Variants in INPP5F observed in about 807,000 individuals in gnomAD.
INPP5F encodes the protein phosphatidylinositide 4-phosphatase SAC2.
Under a neutral mutation model 137.2 loss-of-function variants are expected in INPP5F, and 97 were observed. That is an observed-to-expected ratio of 0.71 (90% CI 0.60 to 0.84). The LOEUF (loss-of-function observed/expected upper bound fraction) is 0.84. INPP5F is among the 40% of genes least tolerant of loss of function. INPP5F has a pLI of 0.00. For missense variants in INPP5F, 1,271 were observed against 1,371.9 expected, an observed-to-expected ratio of 0.93 and a Z score of 1.16; for synonymous variants, 504 against 476.9, an observed-to-expected ratio of 1.06 and a Z score of -0.74.
chr10:119,796,775 C>CT lies in INPP5F; in HGVS notation c.732dup (p.Val245CysfsTer3), dbSNP rs767374469. On this transcript the variant is annotated frameshift_variant, in exon 7 of 20. Coordinates refer to ENST00000650623, the MANE Select transcript of INPP5F (RefSeq NM_014937.4). LOFTEE classifies it high-confidence loss of function. ...CCAAGGTTTTGTGCAGATTGAAGAA[C>CT]TTGTGGTTAATTATACCGAATCATC... is the stretch of plus-strand genomic sequence containing the variant. 28 of 1,613,410 alleles carry CT rather than the reference C, an allele frequency of 1.7e-5. No homozygotes were observed. The highest frequency in any genetic ancestry group is 2.3e-5 in the Non-Finnish European group (27 of 1,179,842).
intron 2 of INPP5F, among the ~76,000 whole-genome samples, chr10:119,769,377 C>T (rs1324482118): frequency 2.6e-5 from 4 of 152,152 alleles, no homozygotes; most frequent in Non-Finnish European, 4.4e-5. Flanking sequence ...CAGTGATGCT[C>T]CTACCTCAGC....
At chr10:119,744,405 C>G (rs1253032780) in intron 1 of INPP5F, among the ~76,000 whole-genome samples, 1 of 152,172 alleles carries the variant, frequency 6.6e-6, no homozygotes, top group Non-Finnish European at 1.5e-5. Flanking sequence ...TTCTCTTCTC[C>G]ATTTCTGTGT....
intron 19 of INPP5F, chr10:119,826,031 A>C: frequency 2.5e-6 from 1 of 398,558 alleles, no homozygotes; most frequent in Non-Finnish European, 4.4e-6. Flanking sequence ...AACCCACAGG[A>C]CATATAAGAA....
At chr10:119,732,501 T>TTTTTTC (rs72190556) in intron 1 of INPP5F, among the ~76,000 whole-genome samples, 14,890 of 82,748 alleles carry the variant, frequency 0.18, 751 homozygotes, top group South Asian at 0.35. Context: ...TTCTTTTTTC[T>TTTTTTC]TTTTTTTTTT....
chr10:119,806,811 CT>C (rs35213192), intron 12 of INPP5F, among the ~76,000 whole-genome samples: 7,703 of 142,964 alleles, frequency 0.054, 281 homozygotes, highest in South Asian at 0.26. Flanking sequence ...TACTGCATTT[CT>C]TTTTTTTTTT....
At chr10:119,777,332 A>C (rs1849557181) in intron 2 of INPP5F, among the ~76,000 whole-genome samples, 2 of 152,070 alleles carry the variant, frequency 1.3e-5, no homozygotes, top group South Asian at 4.1e-4. Flanking sequence ...ATATGGTGAA[A>C]TCCCGTCCCT....
Position 119,820,932 on chromosome 10 carries a change from G to A in INPP5F, c.1958+15G>A. Reference sequence around the variant, plus strand: ...TACGTGGCCTAGTAAGTTGCTTATTGATTTAAAGGTTTTGATTTTGTTTTT... The same window carrying A: ...TACGTGGCCTAGTAAGTTGCTTATTAATTTAAAGGTTTTGATTTTGTTTTT... On this transcript the variant is annotated intron_variant, in intron 16 of 19. Transcript: ENST00000650623. The A allele has an allele frequency of 6.5e-7, 1 of 1,532,074 alleles. No homozygotes were observed. The highest frequency in any genetic ancestry group is 1.1e-5 in the South Asian group (1 of 88,164). 94.9% of individuals were successfully genotyped at this position (1,532,074 alleles called of 1,614,324 possible). A position where few individuals can be genotyped will look rare whatever the true frequency, so the allele number is the denominator to read the frequency against.
chr10:119,806,138 GTT>G (rs559154491), intron 11 of INPP5F, among the ~76,000 whole-genome samples: 1 of 146,572 alleles, frequency 6.8e-6, no homozygotes. Context: ...CTGCACCCCA[GTT>G]TTTTTTTTTC....
chr10:119,811,237 T>A (rs1256874784), intron 14 of INPP5F, among the ~76,000 whole-genome samples: 1 of 152,200 alleles, frequency 6.6e-6, no homozygotes, highest in Non-Finnish European at 1.5e-5. Context: ...GTCTCTTTCC[T>A]GTGTAGGGCC....
At chr10:119,820,464 T>C (rs998004046) in intron 15 of INPP5F, among the ~76,000 whole-genome samples, 2 of 152,250 alleles carry the variant, frequency 1.3e-5, no homozygotes, top group Non-Finnish European at 2.9e-5. Flanking sequence ...GATTAGATAA[T>C]GTGAGATAGT....
At chr10:119,731,533 G>A (rs549470555) in intron 1 of INPP5F, among the ~76,000 whole-genome samples, 85 of 152,110 alleles carry the variant, frequency 5.6e-4, no homozygotes, top group Middle Eastern at 6.8e-3. Context: ...GTGTGGTGGC[G>A]GGTGCCTATA....
chr10:119,805,551 C>T, intron 11 of INPP5F, 90 bp downstream of exon 11: 1 of 908,736 alleles, frequency 1.1e-6, no homozygotes, highest in Admixed American at 2.1e-5. Context: ...CATGCAGAGA[C>T]AGCATTTTTT....
At chr10:119,775,929 A>G (rs1400514900) in intron 2 of INPP5F, among the ~76,000 whole-genome samples, 1 of 152,182 alleles carries the variant, frequency 6.6e-6, no homozygotes, top group Non-Finnish European at 1.5e-5. Flanking sequence ...ATATAGACAT[A>G]AATTGCCTGG....
intron 6 of INPP5F, among the ~76,000 whole-genome samples, chr10:119,795,613 G>A (rs1456255524): frequency 6.7e-6 from 1 of 150,136 alleles, no homozygotes; most frequent in Non-Finnish European, 1.5e-5. Context: ...CAGGCAGAGG[G>A]GCTCCTCACA....
chr10:119,785,944 G>GA lies in INPP5F; in HGVS notation c.315+4181dup, dbSNP rs1187801251. On this transcript the variant is annotated intron_variant, in intron 3 of 19. Coordinates refer to ENST00000650623, the MANE Select transcript of INPP5F (RefSeq NM_014937.4). Reference sequence around the variant, plus strand: ...TGAGGACTTAGTTGTTGCTTCTTTAGAAAAAAAATACCCTTTAAAGTTATA... The same window carrying GA: ...TGAGGACTTAGTTGTTGCTTCTTTAGAAAAAAAAATACCCTTTAAAGTTATA... 5.3e-5 allele frequency among the ~76,000 whole-genome samples: 8 copies of GA among 152,010 alleles called. No homozygotes were observed. In the South Asian group the frequency reaches 1.2e-3, roughly 24 times the overall value.
At chr10:119,727,427 C>G (rs1847926023) in intron 1 of INPP5F, among the ~76,000 whole-genome samples, 2 of 152,198 alleles carry the variant, frequency 1.3e-5, no homozygotes, top group African/African-American at 4.8e-5. Flanking sequence ...TTTCCAATCC[C>G]CACAGCAACC....
At chr10:119,813,943 T>A (rs1044497316) in intron 15 of INPP5F, among the ~76,000 whole-genome samples, 1 of 152,210 alleles carries the variant, frequency 6.6e-6, no homozygotes, top group Admixed American at 6.5e-5. Flanking sequence ...TTCATTAACA[T>A]GATGAAATGC....
Position 119,791,554 on chromosome 10 carries a change from A to G in INPP5F, c.353A>G (p.Glu118Gly), listed in dbSNP as rs1322226502. 1 of 1,603,204 alleles carries G rather than the reference A, an allele frequency of 6.2e-7. No individual in the cohort carries two copies. Among genetic ancestry groups the G allele is most frequent in the Admixed American group, 1.7e-5 (1 of 60,000 alleles). Residue 118 changes from glutamate (E) to glycine (G), a missense_variant, in exon 4 of 20, where the codon GAG becomes GGG. By Grantham distance (98) the Glu-to-Gly change is moderately conservative. Transcript: ENST00000650623. ...CATCATTTTGGTATTAACAAACCAG[A>G]GAAGATCATACCATCTCCTGATGAC... is the stretch of plus-strand genomic sequence containing the variant. ...KKHHFGINKPEKIIPSPDDSK... is the reference protein window; with the variant it reads ...KKHHFGINKPGKIIPSPDDSK...
chr10:119,736,983 C>A (rs1019256574), intron 1 of INPP5F, among the ~76,000 whole-genome samples: 4 of 152,090 alleles, frequency 2.6e-5, no homozygotes, highest in African/African-American at 9.7e-5. Flanking sequence ...ACCACCACAC[C>A]TGGCTAATTT....
Sources: allele counts gnomAD v4.1 joint callset (sites outside exome capture counted in the v4.1 genomes callset), GRCh38; gene constraint gnomAD v4.1.1; transcripts MANE v1.5; gene names NCBI Gene and HGNC (gene_info 2026-07-23, HGNC 2026-07-21).